CRACD: variants seen among roughly 807,000 people sequenced by gnomAD.
The protein encoded by CRACD is capping protein inhibiting regulator of actin dynamics.
Under a neutral mutation model 106.8 loss-of-function variants are expected in CRACD, and 56 were observed. The ratio of observed to expected loss-of-function variants is 0.52; its 90% CI spans 0.42 to 0.66. The LOEUF (loss-of-function observed/expected upper bound fraction) is 0.66. CRACD is among the 30% of genes least tolerant of loss of function. CRACD has a pLI of 0.00. For synonymous variants in CRACD, 754 were observed against 670.8 expected (o/e 1.12, Z -1.92); for missense variants, 1,730 against 1,623.2 (o/e 1.07, Z -1.13).
intron 1 of CRACD, among the ~76,000 whole-genome samples, chr4:56,063,400 A>G (rs1247834128): frequency 6.6e-6 from 1 of 152,198 alleles, no homozygotes; most frequent in Non-Finnish European, 1.5e-5. Context: ...AACAAAAATT[A>G]CCATCGTAAA....
At position 56,315,360 on chromosome 4, in the gene CRACD, T is replaced by A. The variant is rs1745535285; in HGVS notation, c.1858T>A (p.Ser620Thr). The change falls in exon 8 of 11, where the codon TCC becomes ACC. Residue 620 changes from serine to threonine, a missense_variant. By Grantham distance (58) the Ser-to-Thr change is moderately conservative (BLOSUM62 1). This residue lies in a region of CRACD where 1,620 missense variants were observed against 1,481.6 expected (regional missense o/e 1.09). Transcript: ENST00000682029. The surrounding 1 kb of genome is among the most constrained non-coding windows in gnomAD (Gnocchi z 4.1). ...LSQIKDTACKSLLGLEEKKHA... is the reference protein window; with the variant it reads ...LSQIKDTACKTLLGLEEKKHA... ...CCAGATCAAGGACACCGCGTGCAAG[T>A]CCCTCCTGGGCTTGGAGGAGAAGAA... 6.2e-7 allele frequency: 1 copy of A among 1,613,318 alleles called. No individual in the cohort carries two copies.
chr4:56,214,743 T>C (rs2109499351), intron 2 of CRACD, among the ~76,000 whole-genome samples: 1 of 146,352 alleles, frequency 6.8e-6, no homozygotes, highest in African/African-American at 2.5e-5. Flanking sequence ...CCAGGCACAG[T>C]GGCTCACGCC....
At chr4:56,155,511 A>T (rs905963183) in intron 1 of CRACD, among the ~76,000 whole-genome samples, 25 of 152,212 alleles carry the variant, frequency 1.6e-4, no homozygotes, top group African/African-American at 6.0e-4. Flanking sequence ...AACATTTACT[A>T]AATGCAACTA....
chr4:56,312,667 T>C (rs1745236715), intron 6 of CRACD, among the ~76,000 whole-genome samples: 1 of 152,180 alleles, frequency 6.6e-6, no homozygotes, highest in African/African-American at 2.4e-5. Flanking sequence ...AGCTGAGGCA[T>C]ATATGCAGTG....
intron 1 of CRACD, among the ~76,000 whole-genome samples, chr4:56,121,457 A>C (rs2412734): frequency 0.1 from 15,187 of 152,170 alleles, 802 homozygotes; most frequent in East Asian, 0.19. Context: ...CAGCCTGGCC[A>C]ACATGGTGAA....
At chr4:56,228,198 A>G (rs959794741) in intron 2 of CRACD, among the ~76,000 whole-genome samples, 1 of 152,176 alleles carries the variant, frequency 6.6e-6, no homozygotes, top group African/African-American at 2.4e-5. Context: ...AGAAACAAAA[A>G]TATACCTGAC....
Position 56,222,743 on chromosome 4 carries a change from C to T in CRACD, c.-189+43313C>T, listed in dbSNP as rs190470247. 2.2e-3 allele frequency among the ~76,000 whole-genome samples: 339 copies of T among 151,342 alleles called. 1 individual carries two copies. The highest frequency in any genetic ancestry group is 6.8e-3 in the Middle Eastern group (2 of 292). ...GGTGAATCACTTGAGTTCAGGAGTT[C>T]GAGAACCTAGCCAACATGGTGAAAC... On this transcript the variant is annotated intron_variant, in intron 2 of 10. Transcript: ENST00000682029.
intron 2 of CRACD, among the ~76,000 whole-genome samples, chr4:56,249,911 TG>T (rs1740948029): frequency 6.6e-6 from 1 of 152,230 alleles, no homozygotes; most frequent in Admixed American, 6.5e-5. Context: ...TGTCCAGAAT[TG>T]TAGGCAACCT....
At chr4:56,077,057 G>T (rs1053086423) in intron 1 of CRACD, among the ~76,000 whole-genome samples, 38 of 152,134 alleles carry the variant, frequency 2.5e-4, no homozygotes, top group African/African-American at 8.2e-4. Context: ...TGTGCTGTAG[G>T]CCCCTTCACA....
At chr4:56,197,992 A>G (rs568033413) in intron 2 of CRACD, among the ~76,000 whole-genome samples, 1 of 151,844 alleles carries the variant, frequency 6.6e-6, no homozygotes, top group South Asian at 2.1e-4. Flanking sequence ...ATTTTTTTTT[A>G]ATTTAAGAAA....
chr4:56,052,338 T>C (rs1209573413), intron 1 of CRACD, among the ~76,000 whole-genome samples: 1 of 152,248 alleles, frequency 6.6e-6, no homozygotes, highest in African/African-American at 2.4e-5. Context: ...TTCTATTTTA[T>C]TTAAAAAATG....
At chr4:56,189,926 A>G (rs1373067087) in intron 2 of CRACD, among the ~76,000 whole-genome samples, 4 of 146,382 alleles carry the variant, frequency 2.7e-5, no homozygotes, top group Non-Finnish European at 4.5e-5. Flanking sequence ...CCACTAACTC[A>G]TCATCTAGCA....
chr4:56,281,366 A>C (rs1042754323), intron 3 of CRACD, among the ~76,000 whole-genome samples: 1 of 152,094 alleles, frequency 6.6e-6, no homozygotes, highest in African/African-American at 2.4e-5. Flanking sequence ...CCATGAAAAA[A>C]TTATCTTCCA....
chr4:56,054,376 C>T (rs1227547817), intron 1 of CRACD, among the ~76,000 whole-genome samples: 1 of 152,042 alleles, frequency 6.6e-6, no homozygotes, highest in Non-Finnish European at 1.5e-5. Flanking sequence ...TGGTCTCTCT[C>T]TGTTTCCTAG....
At chr4:56,194,102 T>C (rs1414465072) in intron 2 of CRACD, among the ~76,000 whole-genome samples, 5 of 152,204 alleles carry the variant, frequency 3.3e-5, no homozygotes, top group African/African-American at 1.2e-4. Flanking sequence ...AGTATTCCAT[T>C]ATTAGATGGG....
chr4:56,081,149 A>C (rs13147381), intron 1 of CRACD, among the ~76,000 whole-genome samples: 54,062 of 151,848 alleles, frequency 0.36, 10,117 homozygotes, highest in African/African-American at 0.48. Context: ...TGAGCCCCTG[A>C]TCCTGGCCCT....
At chr4:56,089,380 C>T (rs2109817880) in intron 1 of CRACD, among the ~76,000 whole-genome samples, 1 of 152,294 alleles carries the variant, frequency 6.6e-6, no homozygotes, top group South Asian at 2.1e-4. Context: ...TTTTCTGAGC[C>T]CTATCACTTT....
chr4:56,247,952 G>A (rs867002821), intron 2 of CRACD, among the ~76,000 whole-genome samples: 2 of 152,000 alleles, frequency 1.3e-5, no homozygotes, highest in Non-Finnish European at 2.9e-5. Context: ...ATTTTATCAC[G>A]ATAAATAACA....
intron 10 of CRACD, among the ~76,000 whole-genome samples, chr4:56,327,083 G>C (rs1746500148): frequency 6.6e-6 from 1 of 152,162 alleles, no homozygotes; most frequent in Non-Finnish European, 1.5e-5. Context: ...CGGCTGGGTT[G>C]ATCTTTTTCT....
Sources: allele counts gnomAD v4.1 joint callset (sites outside exome capture counted in the v4.1 genomes callset), GRCh38; gene constraint gnomAD v4.1.1; regional missense constraint gnomAD v4.1.1; non-coding constraint Gnocchi (gnomAD v3.1); transcripts MANE v1.5; gene names NCBI Gene and HGNC (gene_info 2026-07-23, HGNC 2026-07-21).